Variants in KLHL1 observed in about 807,000 individuals in gnomAD.
The protein encoded by KLHL1 is kelch-like protein 1.
Under a neutral mutation model 77.7 loss-of-function variants are expected in KLHL1, and 47 were observed. That is an observed-to-expected ratio of 0.60 (90% CI 0.48 to 0.77). KLHL1 has a LOEUF of 0.77. Among genes scored for constraint, KLHL1 ranks in the 30% least tolerant of loss-of-function variants. The pLI is 0.00. For missense variants in KLHL1, 925 were observed against 910.8 expected, an observed-to-expected ratio of 1.02 and a Z score of -0.20; for synonymous variants, 360 against 325.2, an observed-to-expected ratio of 1.11 and a Z score of -1.15.
chr13:69,899,610 A>G (rs1881785220), intron 4 of KLHL1, among the ~76,000 whole-genome samples: 1 of 152,166 alleles, frequency 6.6e-6, no homozygotes, highest in South Asian at 2.1e-4. Flanking sequence ...GCACACTTGG[A>G]TGCCTACTCT....
intron 1 of KLHL1, among the ~76,000 whole-genome samples, chr13:70,074,302 C>A (rs532056404): frequency 6.6e-6 from 1 of 152,232 alleles, no homozygotes; most frequent in East Asian, 1.9e-4. Context: ...GTTGCCACTC[C>A]TTTCTGTCGT....
At chr13:70,030,571 A>G (rs972617560) in intron 1 of KLHL1, among the ~76,000 whole-genome samples, 1 of 152,176 alleles carries the variant, frequency 6.6e-6, no homozygotes, top group Admixed American at 6.5e-5. Context: ...ACATACCAGA[A>G]CCTCTGGGAC....
chr13:70,024,694 C>T (rs1479844053), intron 1 of KLHL1, among the ~76,000 whole-genome samples: 1 of 148,816 alleles, frequency 6.7e-6, no homozygotes, highest in Non-Finnish European at 1.5e-5. Flanking sequence ...TTCTTTATTT[C>T]TCTTTCAGTT....
At chr13:69,962,505 GT>G (rs539249986) in intron 2 of KLHL1, among the ~76,000 whole-genome samples, 117 of 151,796 alleles carry the variant, frequency 7.7e-4, no homozygotes, top group South Asian at 1.2e-3. Flanking sequence ...GGCATTTTGT[GT>G]TTTTTTCTAT....
At chr13:69,821,744 C>A (rs1315806625) in intron 6 of KLHL1, among the ~76,000 whole-genome samples, 1 of 152,134 alleles carries the variant, frequency 6.6e-6, no homozygotes, top group African/African-American at 2.4e-5. Context: ...CAACACTGTC[C>A]CCTCATTTTG....
intron 7 of KLHL1, among the ~76,000 whole-genome samples, chr13:69,782,429 A>G: frequency 6.6e-6 from 1 of 152,240 alleles, no homozygotes; most frequent in East Asian, 1.9e-4. Context: ...AAGGGGTGAC[A>G]GACGGCACCT....
At chr13:69,982,172 G>T (rs891399240) in intron 1 of KLHL1, among the ~76,000 whole-genome samples, 1 of 151,852 alleles carries the variant, frequency 6.6e-6, no homozygotes, top group Admixed American at 6.6e-5. Flanking sequence ...AGTGGCTCAT[G>T]CCTGTAATCC....
At chr13:69,947,139 A>C (rs1883558394) in intron 3 of KLHL1, among the ~76,000 whole-genome samples, 1 of 151,162 alleles carries the variant, frequency 6.6e-6, no homozygotes, top group Non-Finnish European at 1.5e-5. Flanking sequence ...CCTTGTGAAC[A>C]TTCTGAACCC....
At chr13:69,807,927 AG>A (rs1479001302) in intron 6 of KLHL1, among the ~76,000 whole-genome samples, 1 of 152,288 alleles carries the variant, frequency 6.6e-6, no homozygotes, top group East Asian at 1.9e-4. Flanking sequence ...CTTGGGGGAC[AG>A]TGCTCCTTAG....
intron 8 of KLHL1, among the ~76,000 whole-genome samples, chr13:69,732,854 C>G (rs1873609388): frequency 6.6e-6 from 1 of 152,044 alleles, no homozygotes; most frequent in African/African-American, 2.4e-5. Context: ...CCAGGTCTTT[C>G]CTTCTGAGAC....
At chr13:69,997,991 C>T (rs1885199960) in intron 1 of KLHL1, among the ~76,000 whole-genome samples, 1 of 151,836 alleles carries the variant, frequency 6.6e-6, no homozygotes, top group Admixed American at 6.6e-5. Context: ...CACTGAATTA[C>T]ATGATAGTTC....
chr13:69,937,471 G>A (rs918702514), intron 4 of KLHL1, among the ~76,000 whole-genome samples: 11 of 151,768 alleles, frequency 7.2e-5, no homozygotes, highest in South Asian at 4.2e-4. Flanking sequence ...ATCTGTTTCC[G>A]TTTGCCACTC....
chr13:69,992,755 C>T (rs939612983), intron 1 of KLHL1, among the ~76,000 whole-genome samples: 13 of 152,020 alleles, frequency 8.6e-5, no homozygotes, highest in African/African-American at 3.1e-4. Flanking sequence ...CAGACTCCCT[C>T]ATTCTTATAC....
chr13:69,962,299 T>C (rs1239877450), intron 2 of KLHL1, among the ~76,000 whole-genome samples: 3 of 152,102 alleles, frequency 2.0e-5, no homozygotes, highest in Non-Finnish European at 2.9e-5. Context: ...GAGAAATTCA[T>C]AGATTCATCC....
intron 3 of KLHL1, among the ~76,000 whole-genome samples, chr13:69,951,425 C>T (rs185911315): frequency 6.6e-6 from 1 of 151,486 alleles, no homozygotes; most frequent in South Asian, 2.1e-4. Context: ...TTAGTAGGAA[C>T]ATGTTTCTGT....
At chr13:69,966,411 C>A (rs747226979) in intron 2 of KLHL1, among the ~76,000 whole-genome samples, 2 of 152,072 alleles carry the variant, frequency 1.3e-5, no homozygotes, top group Non-Finnish European at 2.9e-5. Flanking sequence ...GAATGGCTTA[C>A]TGAGTATTTT....
chr13:70,095,851 A>G lies in KLHL1; in HGVS notation c.497+11352T>C, dbSNP rs77538159. Among the ~76,000 whole-genome samples the G allele has an allele frequency of 5.3e-3, 809 of 151,804 alleles. 7 individuals carry two copies. The highest frequency in any genetic ancestry group is 0.019 in the African/African-American group (770 of 41,458). On this transcript the variant is annotated intron_variant, in intron 1 of 10. Coordinates refer to ENST00000377844, the MANE Select transcript of KLHL1 (RefSeq NM_020866.3). ...TCCACCCCCCCCACCACACTCGCTA[A>G]TACTCTTTCCAGATGCTGGTAACCA...
intron 3 of KLHL1, among the ~76,000 whole-genome samples, chr13:69,944,763 C>G (rs74090627): frequency 6.6e-6 from 1 of 151,810 alleles, no homozygotes; most frequent in Non-Finnish European, 1.5e-5. Flanking sequence ...CCAAACAATT[C>G]TGAAAAATAA....
chr13:70,044,642 A>T (rs1267856236), intron 1 of KLHL1, among the ~76,000 whole-genome samples: 2 of 152,180 alleles, frequency 1.3e-5, no homozygotes, highest in Admixed American at 6.5e-5. Flanking sequence ...TAAACAAATG[A>T]CCTTTGGATT....
Sources: allele counts gnomAD v4.1 joint callset (sites outside exome capture counted in the v4.1 genomes callset), GRCh38; gene constraint gnomAD v4.1.1; transcripts MANE v1.5; gene names NCBI Gene and HGNC (gene_info 2026-07-23, HGNC 2026-07-21).